The following ATP6V1D variants were observed in gnomAD, a reference collection of about 807,000 sequenced individuals.
ATP6V1D encodes the protein V-type proton ATPase subunit D.
A neutral mutation model predicts 39.4 loss-of-function variants in ATP6V1D; 20 were observed. That is an observed-to-expected ratio of 0.51 (90% confidence interval 0.36 to 0.74). The LOEUF (loss-of-function observed/expected upper bound fraction) is 0.74, where lower values mean the gene tolerates loss of function less well. Ranked by LOEUF, ATP6V1D falls within the 30% of genes least tolerant of loss-of-function variation. ATP6V1D has a pLI of 0.00. For missense variants in ATP6V1D, 228 were observed against 291.6 expected (o/e 0.78, Z 1.59); for synonymous variants, 100 against 100.5 (o/e 0.99, Z 0.03).
intron 3 of ATP6V1D, among the ~76,000 whole-genome samples, chr14:67,349,457 G>A (rs1187162592): frequency 6.6e-6 from 1 of 152,182 alleles, no homozygotes; most frequent in Non-Finnish European, 1.5e-5. Context: ...GTTTGCTATT[G>A]AATTGGTTAA....
intron 6 of ATP6V1D, among the ~76,000 whole-genome samples, chr14:67,345,078 C>T (rs1288582654): frequency 6.6e-6 from 1 of 151,494 alleles, no homozygotes; most frequent in Non-Finnish European, 1.5e-5. Flanking sequence ...CCCACCTCTA[C>T]AAAAAATACA....
At chr14:67,355,444 T>C (rs1258205289) in intron 1 of ATP6V1D, among the ~76,000 whole-genome samples, 3 of 64,748 alleles carry the variant, frequency 4.6e-5, no homozygotes, top group African/African-American at 6.7e-5. Context: ...AGTAAGACCC[T>C]GTCTCAAAAA....
At position 67,340,534 on chromosome 14, in the gene ATP6V1D, A is replaced by C. The variant is rs200976522; in HGVS notation, c.524-16T>G. 1 of 1,604,516 alleles carries C rather than the reference A, an allele frequency of 6.2e-7. No individual in the cohort carries two copies. Among genetic ancestry groups the C allele is most frequent in the Non-Finnish European group, 8.5e-7 (1 of 1,172,050 alleles). On this transcript the variant is annotated splice_polypyrimidine_tract_variant and intron_variant, in intron 7 of 8. Coordinates refer to ENST00000216442, the MANE Select transcript of ATP6V1D (RefSeq NM_015994.4). The stretch of plus-strand genomic sequence containing the variant: ...GGAATGATGACTAGAATAAAAAAAA[A>C]AATAATATGTGTGAGAACTTCAAAC...
chr14:67,347,339 A>G, intron 5 of ATP6V1D, 70 bp downstream of exon 5: 1 of 1,279,754 alleles, frequency 7.8e-7, no homozygotes, highest in Non-Finnish European at 1.1e-6. Flanking sequence ...ATTTTCCAGA[A>G]CTTAGTTCAT....
At chr14:67,342,687 T>G (rs1207320063) in intron 7 of ATP6V1D, among the ~76,000 whole-genome samples, 1 of 150,342 alleles carries the variant, frequency 6.7e-6, no homozygotes, top group East Asian at 1.9e-4. Flanking sequence ...ATAGTTAATA[T>G]AACAGTTAAT....
At position 67,359,741 on chromosome 14, in the gene ATP6V1D, G is replaced by A. The variant is rs1260525959; in HGVS notation, c.-43C>T. 4 of 1,612,132 alleles carry A rather than the reference G, an allele frequency of 2.5e-6. No individual in the cohort carries two copies. The highest frequency in any genetic ancestry group is 3.4e-6 in the Non-Finnish European group (4 of 1,179,234). ...GGCTCGGGTCCCCGGCCGGGCAACC[G>A]AGGCTGCAATAGCTCCAGAACTGGC... On this transcript the variant is annotated 5_prime_UTR_variant, in exon 1 of 9. Coordinates refer to ENST00000216442, the MANE Select transcript of ATP6V1D (RefSeq NM_015994.4).
In ATP6V1D at chr14:67,359,744, G is replaced by T; in HGVS notation, c.-46C>A. The stretch of plus-strand genomic sequence containing the variant: ...TCGGGTCCCCGGCCGGGCAACCGAG[G>T]CTGCAATAGCTCCAGAACTGGCCTC... On this transcript the variant is annotated 5_prime_UTR_variant, in exon 1 of 9. Transcript: ENST00000216442. 1 of 1,610,250 alleles carries T rather than the reference G, an allele frequency of 6.2e-7. No individual in the cohort carries two copies. Among genetic ancestry groups the T allele is most frequent in the Non-Finnish European group, 8.5e-7 (1 of 1,177,666 alleles).
intron 2 of ATP6V1D, chr14:67,352,603 A>C (rs2085662851): frequency 1.5e-5 from 3 of 199,542 alleles, no homozygotes; most frequent in African/African-American, 7.0e-5. Flanking sequence ...AGCCAGTTAT[A>C]AGTTCTGGGG....
intron 4 of ATP6V1D, among the ~76,000 whole-genome samples, chr14:67,347,774 A>C (rs1032735959): frequency 1.6e-4 from 24 of 152,160 alleles, no homozygotes; most frequent in African/African-American, 5.8e-4. Flanking sequence ...TGCTGGGATT[A>C]CAGGTATGAG....
chr14:67,341,992 TC>T (rs2085588022), intron 7 of ATP6V1D, among the ~76,000 whole-genome samples: 1 of 151,536 alleles, frequency 6.6e-6, no homozygotes. Context: ...GGCAGCATGC[TC>T]GTTAAGAGTC....
chr14:67,357,919 C>T (rs1536274), intron 1 of ATP6V1D, among the ~76,000 whole-genome samples: 8,138 of 152,254 alleles, frequency 0.053, 295 homozygotes, highest in Non-Finnish European at 0.084. Flanking sequence ...AGAAATGGCT[C>T]TCAAAGATAC....
chr14:67,350,786 T>C (rs1566601419), intron 2 of ATP6V1D, 96 bp from the exon 3 acceptor site: 2 of 1,163,992 alleles, frequency 1.7e-6, no homozygotes, highest in Non-Finnish European at 1.2e-6. Flanking sequence ...CAGTATTTTA[T>C]GCTGGCTGTG....
intron 8 of ATP6V1D, 65 bp from the exon 9 acceptor site, chr14:67,338,827 T>C (rs1469687776): frequency 2.1e-6 from 3 of 1,447,158 alleles, no homozygotes; most frequent in Non-Finnish European, 2.8e-6. Context: ...ATTTGATTTC[T>C]TTGAGTTTTG....
intron 3 of ATP6V1D, among the ~76,000 whole-genome samples, chr14:67,349,453 TATTGA>T (rs1316060100): frequency 6.6e-6 from 1 of 152,258 alleles, no homozygotes; most frequent in East Asian, 1.9e-4. Flanking sequence ...CTAGGTTTGC[TATTGA>T]ATTGGTTAAG....
intron 7 of ATP6V1D, among the ~76,000 whole-genome samples, chr14:67,341,779 G>T (rs2085586403): frequency 6.6e-6 from 1 of 152,240 alleles, no homozygotes; most frequent in Admixed American, 6.5e-5. Flanking sequence ...GAAATCGGAT[G>T]GTTGCTGTGT....
intron 2 of ATP6V1D, among the ~76,000 whole-genome samples, chr14:67,351,116 A>C (rs1243368098): frequency 2.0e-5 from 3 of 152,254 alleles, no homozygotes; most frequent in Non-Finnish European, 4.4e-5. Flanking sequence ...AAACTGGGTC[A>C]GCTGGGTAGG....
chr14:67,354,321 T>C (rs930331229), intron 1 of ATP6V1D, among the ~76,000 whole-genome samples: 21 of 152,038 alleles, frequency 1.4e-4, no homozygotes, highest in African/African-American at 5.1e-4. Context: ...TAAATACTTA[T>C]TTGATTTGTA....
chr14:67,343,891 T>C (rs1037271917), intron 6 of ATP6V1D, among the ~76,000 whole-genome samples: 1 of 152,168 alleles, frequency 6.6e-6, no homozygotes, highest in African/African-American at 2.4e-5. Flanking sequence ...CTTGTGAGAT[T>C]TCCATAGGGC....
At chr14:67,343,514 C>T (rs2085600707) in intron 6 of ATP6V1D, 76 bp from the exon 7 acceptor site, 1 of 1,018,460 alleles carries the variant, frequency 9.8e-7, no homozygotes, top group African/African-American at 1.6e-5. Flanking sequence ...TCCACTAAGA[C>T]TGCACTTGTA....
Sources: allele counts gnomAD v4.1 joint callset (sites outside exome capture counted in the v4.1 genomes callset), GRCh38; gene constraint gnomAD v4.1.1; transcripts MANE v1.5; gene names NCBI Gene and HGNC (gene_info 2026-07-23, HGNC 2026-07-21).